Variants in FGF13 observed in about 807,000 individuals in gnomAD.
FGF13 encodes fibroblast growth factor 13.
FGF13 carries 2 observed loss-of-function variants against 19.5 expected under a neutral mutation model. The ratio of observed to expected loss-of-function variants is 0.10; its 90% CI spans 0.04 to 0.32. The LOEUF (loss-of-function observed/expected upper bound fraction) is 0.32. Among genes scored for constraint, FGF13 ranks in the 10% least tolerant of loss-of-function variants. The probability of loss-of-function intolerance (pLI) is 1.00; values close to 1 mark genes in which losing one functional copy is unlikely to be tolerated. For missense variants in FGF13, 113 were observed against 192.7 expected (o/e 0.59, Z 2.45); for synonymous variants, 72 against 76.9 (o/e 0.94, Z 0.33).
At chrX:139,014,583 T>C (rs2092144987) in intron 1 of FGF13, among the ~76,000 whole-genome samples, 1 of 111,026 alleles carries the variant, frequency 9.0e-6, no homozygotes, top group African/African-American at 3.3e-5. Context: ...GGTAAAGAGA[T>C]TTAAGCCATA....
At chrX:138,913,260 G>A (rs918474587) in intron 1 of FGF13, among the ~76,000 whole-genome samples, 2 of 81,724 alleles carry the variant, frequency 2.4e-5, no homozygotes, top group African/African-American at 9.7e-5. Context: ...TCCGCCTCCC[G>A]AGTTCAAGCA....
intron 1 of FGF13, among the ~76,000 whole-genome samples, chrX:138,946,913 G>A (rs2091784304): frequency 8.9e-6 from 1 of 112,016 alleles, no homozygotes; most frequent in Non-Finnish European, 1.9e-5. Context: ...GAACAAAACT[G>A]CAAAAGAAAC....
intron 1 of FGF13, among the ~76,000 whole-genome samples, chrX:139,177,238 C>CTTTTTTTTTTTTTTTTTTTT (rs35867493): frequency 6.0e-5 from 3 of 49,943 alleles, no homozygotes; most frequent in African/African-American, 3.4e-4. Flanking sequence ...GCAACCCCTG[C>CTTTTTTTTTTTTTTTTTTTT]TTTTTTTTTT....
chrX:138,902,305 C>T (rs899285302), intron 1 of FGF13, among the ~76,000 whole-genome samples: 37 of 112,073 alleles, frequency 3.3e-4, no homozygotes, highest in African/African-American at 1.2e-3. Flanking sequence ...AAATGTTGCA[C>T]CCATTTTGTA....
chrX:138,984,992 C>T (rs1297315454), intron 1 of FGF13: 1 of 353,067 alleles, frequency 2.8e-6, no homozygotes, highest in Non-Finnish European at 5.7e-6. Flanking sequence ...AATGACATCA[C>T]ACTTAATCAT....
chrX:138,845,796 T>C (rs987880065), intron 3 of FGF13, among the ~76,000 whole-genome samples: 3 of 112,130 alleles, frequency 2.7e-5, no homozygotes, highest in African/African-American at 9.7e-5. Flanking sequence ...ATGAATCTTC[T>C]AACATGGATT....
At chrX:138,833,328 C>T (rs1281996893) in intron 3 of FGF13, among the ~76,000 whole-genome samples, 2 of 111,718 alleles carry the variant, frequency 1.8e-5, no homozygotes, top group East Asian at 2.8e-4. Context: ...GTGTCATCTC[C>T]GATTTCTTTG....
chrX:138,909,583 G>T (rs1460271205), intron 1 of FGF13, among the ~76,000 whole-genome samples: 1 of 111,807 alleles, frequency 8.9e-6, no homozygotes, highest in South Asian at 3.7e-4. Context: ...CTTTGTGCTA[G>T]CATGACATTT....
chrX:138,857,494 C>G, downstream of FGF13: 1 of 1,166,877 alleles, frequency 8.6e-7, no homozygotes, highest in East Asian at 3.1e-5. Context: ...GCAAAACACG[C>G]GTCTGTCGTG....
At chrX:138,760,688 T>A (rs1235469153) in intron 3 of FGF13, among the ~76,000 whole-genome samples, 1 of 112,118 alleles carries the variant, frequency 8.9e-6, no homozygotes, top group Non-Finnish European at 1.9e-5. Context: ...TCCAAGGTCA[T>A]GTGGCTAGTA....
At chrX:138,777,170 G>C (rs1192759960) in intron 3 of FGF13, among the ~76,000 whole-genome samples, 2 of 111,159 alleles carry the variant, frequency 1.8e-5, no homozygotes, top group Non-Finnish European at 3.8e-5. Context: ...ACAATATCAG[G>C]TGAACCTGGG....
At chrX:139,204,173 G>A, upstream of FGF13, 4 of 1,046,545 alleles carry the variant, frequency 3.8e-6, no homozygotes, top group South Asian at 7.5e-5. Flanking sequence ...GGTCGGACTT[G>A]GGAGAGTGCT....
At chrX:138,957,033 G>A (rs1486569395) in intron 1 of FGF13, among the ~76,000 whole-genome samples, 1 of 111,614 alleles carries the variant, frequency 9.0e-6, no homozygotes. Flanking sequence ...TCAAGATTCA[G>A]TACACGTTAG....
intron 1 of FGF13, among the ~76,000 whole-genome samples, chrX:138,957,333 G>T (rs2091845736): frequency 8.9e-6 from 1 of 111,867 alleles, no homozygotes; most frequent in Non-Finnish European, 1.9e-5. Context: ...TGAAAAGATG[G>T]ATGAAGAATG....
chrX:139,007,285 T>C (rs2092106393), intron 1 of FGF13, among the ~76,000 whole-genome samples: 1 of 111,137 alleles, frequency 9.0e-6, no homozygotes, highest in South Asian at 3.8e-4. Flanking sequence ...GAGGTCAATT[T>C]GGCAAGAGGA....
intron 1 of FGF13, among the ~76,000 whole-genome samples, chrX:139,148,016 G>C (rs2083904701): frequency 9.0e-6 from 1 of 111,545 alleles, no homozygotes; most frequent in African/African-American, 3.3e-5. Flanking sequence ...ACAGTATACA[G>C]AGCATGTGTG....
intron 1 of FGF13, among the ~76,000 whole-genome samples, chrX:139,176,142 G>A (rs1221881714): frequency 2.7e-5 from 3 of 111,666 alleles, no homozygotes; most frequent in Non-Finnish European, 5.6e-5. Flanking sequence ...ATGTTTATGT[G>A]TACAGGAATT....
At chrX:139,165,508 C>A (rs923370996) in intron 1 of FGF13, among the ~76,000 whole-genome samples, 1 of 111,252 alleles carries the variant, frequency 9.0e-6, no homozygotes, top group African/African-American at 3.3e-5. Context: ...GGAGAAAAAT[C>A]CCGAAAGCAC....
rs1326136961 is a variant in FGF13, at chrX:138,631,320, T to C, written c.*1530A>G. 2.7e-5 allele frequency: 3 copies of C among 111,833 alleles called. No individual in the cohort carries two copies. Among genetic ancestry groups the C allele is most frequent in the Admixed American group, 1.9e-4 (2 of 10,505 alleles). The allele number at this position is 111,833 out of a possible 1,213,427, so 9.2% of individuals were successfully genotyped here. On this transcript the variant is annotated 3_prime_UTR_variant, in exon 5 of 5. Transcript: ENST00000315930. ...ATGACACTGTGAGTGGCAGAGAAAA[T>C]ACTAGCACAAACGCCTCATTTGTAT...
Sources: allele counts gnomAD v4.1 joint callset (sites outside exome capture counted in the v4.1 genomes callset), GRCh38; gene constraint gnomAD v4.1.1; transcripts MANE v1.5; gene names NCBI Gene and HGNC (gene_info 2026-07-23, HGNC 2026-07-21).